RARB: variants seen among roughly 807,000 people sequenced by gnomAD.
RARB encodes the protein retinoic acid receptor beta.
RARB carries 17 observed loss-of-function variants against 51.9 expected under a neutral mutation model. The ratio of observed to expected loss-of-function variants is 0.33; its 90% CI spans 0.22 to 0.49. The LOEUF (loss-of-function observed/expected upper bound fraction) is 0.49. Among genes scored for constraint, RARB ranks in the 20% least tolerant of loss-of-function variants. RARB has a pLI of 0.99. For synonymous variants in RARB, 215 were observed against 195.4 expected (o/e 1.10, Z -0.84); for missense variants, 369 against 550.8 (o/e 0.67, Z 3.30).
At chr3:25,056,643 A>G (rs1400200503) in intron 2 of RARB, among the ~76,000 whole-genome samples, 1 of 152,072 alleles carries the variant, frequency 6.6e-6, no homozygotes, top group African/African-American at 2.4e-5. Flanking sequence ...TATATACCCA[A>G]TAGATACCCA....
At chr3:25,066,600 CAT>C (rs1204785903) in intron 3 of RARB, among the ~76,000 whole-genome samples, 2 of 140,128 alleles carry the variant, frequency 1.4e-5, no homozygotes, top group Admixed American at 6.8e-5. Context: ...CACACGCACA[CAT>C]AAACACACAC....
At chr3:25,442,014 A>T (rs576675477) in intron 1 of RARB, among the ~76,000 whole-genome samples, 156 of 152,352 alleles carry the variant, frequency 1.0e-3, no homozygotes, top group Non-Finnish European at 1.8e-3. Context: ...AGGATCTATA[A>T]TTCTACATTG....
chr3:25,478,709 T>C (rs1319647722), intron 2 of RARB, among the ~76,000 whole-genome samples: 1 of 152,224 alleles, frequency 6.6e-6, no homozygotes, highest in Admixed American at 6.5e-5. Flanking sequence ...AGAAGGCCCA[T>C]GTGACACCTG....
intron 4 of RARB, among the ~76,000 whole-genome samples, chr3:25,168,657 A>G (rs1156399903): frequency 2.0e-5 from 3 of 152,248 alleles, no homozygotes; most frequent in African/African-American, 7.2e-5. Context: ...TGTAAAAATC[A>G]ATAGAATAAT....
chr3:25,254,993 C>A (rs542506782), intron 5 of RARB, among the ~76,000 whole-genome samples: 1 of 152,150 alleles, frequency 6.6e-6, no homozygotes, highest in South Asian at 2.1e-4. Context: ...CTACGACATT[C>A]TCAAAAAATA....
intron 1 of RARB, among the ~76,000 whole-genome samples, chr3:25,456,554 ATTTTT>A (rs35056259): frequency 9.1e-5 from 4 of 44,118 alleles, no homozygotes; most frequent in African/African-American, 4.0e-4. Context: ...TATACCACTG[ATTTTT>A]TTTTTTTTTT....
intron 5 of RARB, chr3:25,345,992 G>A (rs1705381422): frequency 8.6e-6 from 5 of 581,292 alleles, no homozygotes; most frequent in Non-Finnish European, 1.1e-5. Context: ...GCTCCGATGA[G>A]TAGTTCTTCT....
At chr3:25,190,975 G>C (rs893410665) in intron 5 of RARB, among the ~76,000 whole-genome samples, 1 of 152,166 alleles carries the variant, frequency 6.6e-6, no homozygotes, top group South Asian at 2.1e-4. Flanking sequence ...ATCTGTGTTG[G>C]GGGCCTCGCC....
chr3:25,341,631 C>A (rs1324802869), intron 5 of RARB, among the ~76,000 whole-genome samples: 1 of 152,090 alleles, frequency 6.6e-6, no homozygotes, highest in Non-Finnish European at 1.5e-5. Flanking sequence ...TAGTTCTCAA[C>A]TGGGGATAAT....
At chr3:25,060,047 C>T (rs1698518013) in intron 2 of RARB, 1 of 151,714 alleles carries the variant, frequency 6.6e-6, no homozygotes, top group African/African-American at 2.4e-5. Context: ...AATTGAATAG[C>T]CGTGTTAAAT....
chr3:25,342,719 A>T (rs1355838735), intron 5 of RARB, among the ~76,000 whole-genome samples: 2 of 152,180 alleles, frequency 1.3e-5, no homozygotes, highest in Admixed American at 1.3e-4. Context: ...AGCCCTACCT[A>T]TGATACATTT....
chr3:25,064,587 C>T (rs1698622694), intron 3 of RARB, among the ~76,000 whole-genome samples: 1 of 151,994 alleles, frequency 6.6e-6, no homozygotes, highest in Non-Finnish European at 1.5e-5. Context: ...TGAAAGGGGT[C>T]AACTTCACCC....
rs1466194629 is a variant in RARB, at chr3:25,252,280, G to A, written c.178+77705G>A. Among the ~76,000 whole-genome samples, 4 of 152,104 alleles carry A rather than the reference G, an allele frequency of 2.6e-5. No individual in the cohort carries two copies. The South Asian group carries it at 6.2e-4, about 24-fold the overall frequency. The stretch of plus-strand genomic sequence containing the variant: ...TATAGTAAATTTGAAATTGAGAAGT[G>A]TGTGTCCCCCAGCTATGTTCTTCTT... On this transcript the variant is annotated intron_variant, in intron 5 of 11. Coordinates refer to the RARB transcript ENST00000383772.
rs146765978 is a variant in RARB, at chr3:25,260,802, A to T, written c.178+86227A>T. 5.4e-3 allele frequency among the ~76,000 whole-genome samples: 823 copies of T among 152,238 alleles called. 4 individuals are homozygous for T. Among genetic ancestry groups the T allele is most frequent in the Non-Finnish European group, 9.6e-3 (650 of 67,988 alleles). On this transcript the variant is annotated intron_variant, in intron 5 of 11. Transcript: ENST00000383772. ...TCACTGGGGCTGGGTGACCTTAGGC[A>T]AGTTGATTAACTTTGCTGATTCTTG...
Position 25,580,581 on chromosome 3 carries a change from G to A in RARB, c.645G>A (p.Leu215=). ...SSADHRVRLD[L]GLWDKFSELA... is the part of the protein sequence containing the mutation. Reference sequence around the variant, plus strand: ...CTGACCATCGAGTCCGACTGGACCTGGGCCTCTGGGACAAATTCAGTGAAC... The same window carrying A: ...CTGACCATCGAGTCCGACTGGACCTAGGCCTCTGGGACAAATTCAGTGAAC... The change falls in exon 5 of 8, where the codon CTG becomes CTA. Residue 215 remains leucine, a synonymous_variant. Coordinates refer to ENST00000330688, the MANE Select transcript of RARB (RefSeq NM_000965.5). 1 of 1,608,658 alleles carries A rather than the reference G, an allele frequency of 6.2e-7. No homozygotes were observed. The highest frequency in any genetic ancestry group is 1.3e-5 in the African/African-American group (1 of 74,986).
Position 25,059,590 on chromosome 3 carries a change from A to C in RARB, c.-379-535A>C, listed in dbSNP as rs947493474. Among the ~76,000 whole-genome samples, 3 of 151,978 alleles carry C rather than the reference A, an allele frequency of 2.0e-5. No individual in the cohort carries two copies. The East Asian group carries it at 5.8e-4, about 29-fold the overall frequency. ...GCTTTAAGATTTGTGATGCTGCTTT[A>C]AAAATAAAACTAGAAACAAAATCAA... is the stretch of plus-strand genomic sequence containing the variant. On this transcript the variant is annotated intron_variant, in intron 2 of 11. Transcript: ENST00000383772.
Position 24,964,189 on chromosome 3 carries a change from G to T in RARB, c.-379-95936G>T, listed in dbSNP as rs772612580. Among the ~76,000 whole-genome samples the T allele has an allele frequency of 6.3e-4, 95 of 151,426 alleles. 1 individual carries two copies. The highest frequency in any genetic ancestry group is 1.0e-3 in the Non-Finnish European group (68 of 67,888). ...ACCAGATCTTTTTTGTGTATAAAAA[G>T]TAAGGTTAGCACTGTGGAAATGTTT... On this transcript the variant is annotated intron_variant, in intron 2 of 11. Coordinates refer to the RARB transcript ENST00000383772.
chr3:24,902,503 C>G (rs1368292965), intron 2 of RARB, among the ~76,000 whole-genome samples: 2 of 152,074 alleles, frequency 1.3e-5, no homozygotes, highest in African/African-American at 4.8e-5. Context: ...TAGACATGTT[C>G]TGTTGGGGAC....
At chr3:25,493,253 G>A (rs191142591) in intron 2 of RARB, among the ~76,000 whole-genome samples, 61 of 152,182 alleles carry the variant, frequency 4.0e-4, no homozygotes, top group African/African-American at 1.3e-3. Flanking sequence ...GGGTGAAAAG[G>A]TCTTCACTTT....
Sources: allele counts gnomAD v4.1 joint callset (sites outside exome capture counted in the v4.1 genomes callset), GRCh38; gene constraint gnomAD v4.1.1; transcripts MANE v1.5; gene names NCBI Gene and HGNC (gene_info 2026-07-23, HGNC 2026-07-21).